Variants in CCDC150 observed in about 807,000 individuals in gnomAD.
CCDC150 encodes coiled-coil domain-containing protein 150.
Under a neutral mutation model 156.5 loss-of-function variants are expected in CCDC150, and 151 were observed. The observed-to-expected ratio is 0.97, with a 90% CI of 0.85 to 1.10. CCDC150 has a LOEUF of 1.10. CCDC150 is among the 50% of genes least tolerant of loss of function. CCDC150 has a pLI of 0.00. For missense variants in CCDC150, 1,312 were observed against 1,268.1 expected, an observed-to-expected ratio of 1.03 and a Z score of -0.53; for synonymous variants, 452 against 429.4, an observed-to-expected ratio of 1.05 and a Z score of -0.65.
At chr2:196,710,501 G>A (rs1697034421) in intron 15 of CCDC150, among the ~76,000 whole-genome samples, 1 of 152,162 alleles carries the variant, frequency 6.6e-6, no homozygotes, top group South Asian at 2.1e-4. Flanking sequence ...ACCCTCTGTG[G>A]GCTGCACCCA....
intron 13 of CCDC150, among the ~76,000 whole-genome samples, chr2:196,687,329 G>T (rs903774725): frequency 5.3e-5 from 8 of 152,142 alleles, no homozygotes; most frequent in Non-Finnish European, 1.2e-4. Flanking sequence ...GTGTGAGATG[G>T]TATCTCATTG....
chr2:196,732,332 T>G, intron 27 of CCDC150, 114 bp from the exon 28 acceptor site: 1 of 1,123,134 alleles, frequency 8.9e-7, no homozygotes. Context: ...ACAAACTTTT[T>G]AGATTAGAAT....
intron 18 of CCDC150, among the ~76,000 whole-genome samples, chr2:196,718,956 T>G (rs1385390796): frequency 6.6e-6 from 1 of 152,174 alleles, no homozygotes; most frequent in Non-Finnish European, 1.5e-5. Context: ...TGGTGTAAGA[T>G]TTCTATGATG....
chr2:196,676,095 A>G (rs1297272175), intron 10 of CCDC150, 48 bp from the exon 11 acceptor site: 1 of 1,603,834 alleles, frequency 6.2e-7, no homozygotes, highest in Admixed American at 1.7e-5. Context: ...ACACCCTATC[A>G]AAAGACTTTG....
intron 8 of CCDC150, 95 bp downstream of exon 8, chr2:196,669,971 T>C: frequency 1.4e-6 from 1 of 739,536 alleles, no homozygotes; most frequent in Non-Finnish European, 2.2e-6. Context: ...CTTCTTACTC[T>C]CATCAAAGTT....
chr2:196,640,051 A>G (rs912735175), intron 1 of CCDC150, among the ~76,000 whole-genome samples: 32 of 152,116 alleles, frequency 2.1e-4, no homozygotes, highest in African/African-American at 7.2e-4. Flanking sequence ...ACCTTTATTT[A>G]TGTGTTAAGT....
chr2:196,646,556 T>C, intron 2 of CCDC150, 52 bp downstream of exon 2: 1 of 1,411,710 alleles, frequency 7.1e-7, no homozygotes, highest in Non-Finnish European at 1.0e-6. Context: ...GCTTCACTGC[T>C]TATTAAGTCA....
At chr2:196,709,462 C>G (rs1190663112) in intron 15 of CCDC150, among the ~76,000 whole-genome samples, 1 of 152,150 alleles carries the variant, frequency 6.6e-6, no homozygotes, top group Non-Finnish European at 1.5e-5. Flanking sequence ...CCTCCTTTGG[C>G]TCGGAGAAAT....
At chr2:196,698,971 A>T (rs997186412) in intron 14 of CCDC150, among the ~76,000 whole-genome samples, 1 of 152,218 alleles carries the variant, frequency 6.6e-6, no homozygotes, top group Admixed American at 6.5e-5. Flanking sequence ...TTGCTGCTGA[A>T]GACTTGGTCA....
chr2:196,708,892 T>C (rs1457122013), intron 15 of CCDC150, among the ~76,000 whole-genome samples: 1 of 152,208 alleles, frequency 6.6e-6, no homozygotes, highest in Non-Finnish European at 1.5e-5. Context: ...TGATGGGCTT[T>C]CCTTTGTGGG....
At chr2:196,668,414 C>G (rs1015423402) in intron 7 of CCDC150, among the ~76,000 whole-genome samples, 2 of 151,686 alleles carry the variant, frequency 1.3e-5, no homozygotes, top group African/African-American at 4.8e-5. Context: ...TTAGTTGGCC[C>G]TCTGAATTTT....
At chr2:196,711,101 G>T (rs1315229321) in intron 15 of CCDC150, among the ~76,000 whole-genome samples, 1 of 152,128 alleles carries the variant, frequency 6.6e-6, no homozygotes, top group African/African-American at 2.4e-5. Flanking sequence ...TAAGTGCTTG[G>T]TTTACCTTGT....
intron 5 of CCDC150, among the ~76,000 whole-genome samples, chr2:196,659,138 A>G (rs1693408765): frequency 6.6e-6 from 1 of 152,216 alleles, no homozygotes. Context: ...CCCGTACACC[A>G]TAGTTAAGTG....
At chr2:196,723,002 A>C (rs1211138965) in intron 21 of CCDC150, among the ~76,000 whole-genome samples, 1 of 152,218 alleles carries the variant, frequency 6.6e-6, no homozygotes, top group African/African-American at 2.4e-5. Flanking sequence ...TTGTATTTTC[A>C]TCAAAGGTGA....
Position 196,718,574 on chromosome 2 carries a change from A to T in CCDC150, c.1938A>T (p.Lys646Asn). The T allele has an allele frequency of 1.9e-6, 3 of 1,613,882 alleles. No homozygotes were observed. The highest frequency in any genetic ancestry group is 2.5e-6 in the Non-Finnish European group (3 of 1,179,810). ...TGAAGTGTCGTAATGCGGCCCTGAAAGAGAGTCAGAAGTTGAAAGAAGACC... is the reference window on the plus strand; with the variant it reads ...TGAAGTGTCGTAATGCGGCCCTGAATGAGAGTCAGAAGTTGAAAGAAGACC... ...RTVKCRNAALKESQKLKEDLE... is the reference protein window; with the variant it reads ...RTVKCRNAALNESQKLKEDLE... Residue 646 changes from lysine (K) to asparagine (N), a missense_variant, in exon 18 of 28, where the codon AAA becomes AAT. Coordinates refer to ENST00000389175, the MANE Select transcript of CCDC150 (RefSeq NM_001080539.2).
chr2:196,676,307 C>G (rs1694500968), intron 11 of CCDC150, 40 bp downstream of exon 11: 1 of 1,604,802 alleles, frequency 6.2e-7, no homozygotes. Context: ...ATCTTTTGTT[C>G]TTGCATGTGT....
At chr2:196,698,353 A>G (rs1237787317) in intron 14 of CCDC150, among the ~76,000 whole-genome samples, 1 of 152,174 alleles carries the variant, frequency 6.6e-6, no homozygotes, top group Non-Finnish European at 1.5e-5. Context: ...CTTTAGTGGC[A>G]AAATAGGAAA....
intron 2 of CCDC150, among the ~76,000 whole-genome samples, chr2:196,649,981 T>C (rs565412640): frequency 1.2e-4 from 19 of 152,198 alleles, no homozygotes; most frequent in Non-Finnish European, 2.5e-4. Flanking sequence ...TGTTTGGATT[T>C]CTTTTATTTC....
At chr2:196,696,328 G>A (rs1305895310) in intron 14 of CCDC150, among the ~76,000 whole-genome samples, 2 of 151,802 alleles carry the variant, frequency 1.3e-5, no homozygotes, top group East Asian at 1.9e-4. Context: ...CTATTGGAAT[G>A]ACAAGATCCA....
Sources: gnomAD v4.1 joint callset for allele counts (sites outside exome capture counted in the v4.1 genomes callset) on GRCh38, gnomAD v4.1.1 for gene constraint, MANE v1.5 for transcripts, NCBI Gene and HGNC (gene_info 2026-07-23, HGNC 2026-07-21) for gene names.